Variants in GLIS1 observed in about 807,000 individuals in gnomAD.
GLIS1 encodes zinc finger protein GLIS1.
In GLIS1, 24 loss-of-function variants were observed where a neutral mutation model predicts 63.8. The ratio of observed to expected loss-of-function variants is 0.38; its 90% CI spans 0.27 to 0.53. The LOEUF (loss-of-function observed/expected upper bound fraction) is 0.53. Among genes scored for constraint, GLIS1 ranks in the 20% least tolerant of loss-of-function variants. GLIS1 has a pLI of 0.85. For missense variants in GLIS1, 1,036 were observed against 1,074.1 expected (o/e 0.96, Z 0.50); for synonymous variants, 450 against 482.5 (o/e 0.93, Z 0.88).
intron 2 of GLIS1, among the ~76,000 whole-genome samples, chr1:53,718,063 G>T (rs922769794): frequency 4.6e-5 from 7 of 152,222 alleles, no homozygotes; most frequent in Non-Finnish European, 1.0e-4. Flanking sequence ...GTGCACCGGG[G>T]CCCAGCGGCA....
intron 4 of GLIS1, among the ~76,000 whole-genome samples, chr1:53,547,116 G>A (rs973996265): frequency 6.6e-6 from 1 of 152,250 alleles, no homozygotes; most frequent in African/African-American, 2.4e-5. Flanking sequence ...TGGGGAAGGA[G>A]AAAGGCTCTT....
At chr1:53,719,974 G>A (rs1408205022) in intron 2 of GLIS1, among the ~76,000 whole-genome samples, 1 of 152,096 alleles carries the variant, frequency 6.6e-6, no homozygotes, top group African/African-American at 2.4e-5. Context: ...TCAGGAGTTC[G>A]AGACTAGCCT....
At chr1:53,564,120 T>A (rs1345490300) in intron 4 of GLIS1, among the ~76,000 whole-genome samples, 1 of 152,204 alleles carries the variant, frequency 6.6e-6, no homozygotes, top group African/African-American at 2.4e-5. Flanking sequence ...GCACACTGTT[T>A]TATAAAATGG....
intron 2 of GLIS1, among the ~76,000 whole-genome samples, chr1:53,622,758 A>C (rs1244820383): frequency 6.6e-6 from 1 of 152,236 alleles, no homozygotes; most frequent in East Asian, 1.9e-4. Context: ...CGGAGCCTCC[A>C]GAGGGAGCAA....
intron 4 of GLIS1, among the ~76,000 whole-genome samples, chr1:53,543,053 GAGA>G (rs1644660519): frequency 6.6e-6 from 1 of 152,262 alleles, no homozygotes; most frequent in African/African-American, 2.4e-5. Flanking sequence ...GCAACTATGA[GAGA>G]AGATGGGCAG....
At chr1:53,724,787 T>C (rs1030238398) in intron 2 of GLIS1, among the ~76,000 whole-genome samples, 1 of 152,142 alleles carries the variant, frequency 6.6e-6, no homozygotes, top group South Asian at 2.1e-4. Context: ...AATCCTCCTG[T>C]CTCAGCCTCA....
chr1:53,694,564 G>A (rs1247914644), intron 2 of GLIS1, among the ~76,000 whole-genome samples: 1 of 152,186 alleles, frequency 6.6e-6, no homozygotes, highest in Non-Finnish European at 1.5e-5. Flanking sequence ...TGCTGAGGCG[G>A]CAGCACCACC....
intron 4 of GLIS1, among the ~76,000 whole-genome samples, chr1:53,541,064 G>A (rs1399998091): frequency 6.6e-6 from 1 of 152,084 alleles, no homozygotes; most frequent in Admixed American, 6.6e-5. Context: ...GGTGGGAGCT[G>A]GGCTGGGAAG....
chr1:53,609,109 A>AT (rs1645400006), intron 2 of GLIS1, among the ~76,000 whole-genome samples: 1 of 152,108 alleles, frequency 6.6e-6, no homozygotes, highest in Non-Finnish European at 1.5e-5. Flanking sequence ...CACAGATGGG[A>AT]TTTTTATTAC....
chr1:53,709,411 TAC>T (rs57887584), intron 2 of GLIS1, among the ~76,000 whole-genome samples: 182 of 14,884 alleles, frequency 0.012, 1 homozygote, highest in Non-Finnish European at 0.014. Context: ...CATATATATA[TAC>T]ACACACACAC....
intron 2 of GLIS1, among the ~76,000 whole-genome samples, chr1:53,683,912 T>C (rs1320439020): frequency 1.3e-5 from 2 of 152,124 alleles, no homozygotes; most frequent in African/African-American, 4.8e-5. Flanking sequence ...GGGACTCTCC[T>C]GACCCACCCC....
intron 4 of GLIS1, among the ~76,000 whole-genome samples, chr1:53,541,781 A>G (rs1016879181): frequency 6.6e-6 from 1 of 152,246 alleles, no homozygotes; most frequent in African/African-American, 2.4e-5. Context: ...CAGCCCTGTG[A>G]GAGGCAGGAC....
intron 3 of GLIS1, among the ~76,000 whole-genome samples, chr1:53,597,788 T>A (rs968212348): frequency 6.6e-6 from 1 of 151,958 alleles, no homozygotes; most frequent in Non-Finnish European, 1.5e-5. Context: ...AGGGAGGGTG[T>A]GGGGGCACAG....
intron 2 of GLIS1, among the ~76,000 whole-genome samples, chr1:53,677,696 G>A (rs370958049): frequency 2.0e-5 from 3 of 152,252 alleles, no homozygotes; most frequent in East Asian, 3.8e-4. Context: ...GCGGGCACCC[G>A]CGAGGAGCAC....
At chr1:53,685,240 C>A (rs564704448) in intron 2 of GLIS1, among the ~76,000 whole-genome samples, 4 of 152,220 alleles carry the variant, frequency 2.6e-5, no homozygotes, top group Non-Finnish European at 5.9e-5. Context: ...GGAGACTAGA[C>A]AGCATGCAGC....
intron 2 of GLIS1, 76 bp downstream of exon 2, chr1:53,737,730 C>A (rs1646924937): frequency 8.2e-7 from 1 of 1,215,444 alleles, no homozygotes; most frequent in African/African-American, 1.6e-5. Flanking sequence ...CAAGCTCTCC[C>A]GAGCACGCGG....
At chr1:53,587,408 C>T (rs1161898100) in intron 4 of GLIS1, among the ~76,000 whole-genome samples, 2 of 152,250 alleles carry the variant, frequency 1.3e-5, no homozygotes, top group East Asian at 3.9e-4. Flanking sequence ...TCCATCCAAT[C>T]CTAGATTGAG....
At chr1:53,691,362 C>T (rs1646403083) in intron 2 of GLIS1, among the ~76,000 whole-genome samples, 1 of 152,234 alleles carries the variant, frequency 6.6e-6, no homozygotes, top group South Asian at 2.1e-4. Flanking sequence ...CCCACCACCA[C>T]ATGAGACACA....
At chr1:53,631,030 A>C (rs1237689081) in intron 2 of GLIS1, among the ~76,000 whole-genome samples, 1 of 152,206 alleles carries the variant, frequency 6.6e-6, no homozygotes, top group Non-Finnish European at 1.5e-5. Flanking sequence ...TAATGTAGTA[A>C]GGATATCAGG....
Sources: allele counts gnomAD v4.1 joint callset (sites outside exome capture counted in the v4.1 genomes callset), GRCh38; gene constraint gnomAD v4.1.1; transcripts MANE v1.5; gene names NCBI Gene and HGNC (gene_info 2026-07-23, HGNC 2026-07-21).